Variants in FBXW8 observed in about 807,000 individuals in gnomAD.
The protein encoded by FBXW8 is F-box/WD repeat-containing protein 8.
In FBXW8, 57 loss-of-function variants were observed where a neutral mutation model predicts 65.3. The observed-to-expected ratio is 0.87, with a 90% confidence interval of 0.71 to 1.09. The LOEUF (loss-of-function observed/expected upper bound fraction) is 1.09. FBXW8 is among the 50% of genes least tolerant of loss of function. FBXW8 has a pLI of 0.00. For synonymous variants in FBXW8, 308 were observed against 330.2 expected, an observed-to-expected ratio of 0.93 and a Z score of 0.73; for missense variants, 777 against 814.8, an observed-to-expected ratio of 0.95 and a Z score of 0.57.
intron 1 of FBXW8, among the ~76,000 whole-genome samples, chr12:116,923,320 G>A (rs560086637): frequency 3.9e-5 from 6 of 152,092 alleles, no homozygotes; most frequent in African/African-American, 1.2e-4. Context: ...GTGTAATACA[G>A]GACGAAAGTC....
In FBXW8 at chr12:117,030,355, G is replaced by C. The variant is rs1954330947; in HGVS notation, c.*2183G>C. ...CCAGATAACTTCCTAAGTGGAGATG[G>C]CCTGTAGGTAGCAAATGCAGGATTT... On this transcript the variant is annotated 3_prime_UTR_variant, in exon 11 of 11. Transcript: ENST00000652555. 6.6e-6 allele frequency: 1 copy of C among 152,170 alleles called. No homozygotes were observed. The highest frequency in any genetic ancestry group is 2.4e-5 in the African/African-American group (1 of 41,428). The allele number at this position is 152,170 out of a possible 1,614,324, so 9.4% of individuals were successfully genotyped here. A position where few individuals can be genotyped will look rare whatever the true frequency, so the allele number is the denominator to read the frequency against.
intron 3 of FBXW8, 59 bp downstream of exon 3, chr12:116,945,587 C>G (rs1882878942): frequency 6.6e-7 from 1 of 1,524,340 alleles, no homozygotes; most frequent in Non-Finnish European, 9.0e-7. Flanking sequence ...CATGGGAATC[C>G]AAGCTTTCAC....
At chr12:116,966,157 T>C (rs1565917742) in intron 5 of FBXW8, among the ~76,000 whole-genome samples, 1 of 152,172 alleles carries the variant, frequency 6.6e-6, no homozygotes, top group Non-Finnish European at 1.5e-5. Flanking sequence ...TTTCAGCCTA[T>C]AGAAATTCAG....
chr12:117,011,524 C>T (rs1210168210), intron 8 of FBXW8, among the ~76,000 whole-genome samples: 3 of 152,150 alleles, frequency 2.0e-5, no homozygotes, highest in Non-Finnish European at 4.4e-5. Context: ...GTGTGGGGCA[C>T]GCACTGGGCT....
intron 7 of FBXW8, among the ~76,000 whole-genome samples, chr12:116,991,797 G>A (rs1032938243): frequency 6.6e-6 from 1 of 152,240 alleles, no homozygotes; most frequent in African/African-American, 2.4e-5. Context: ...AGGTCCAAAT[G>A]TTGAAATTGA....
intron 6 of FBXW8, 155 bp downstream of exon 6, chr12:116,985,557 T>C (rs1885621340): frequency 2.8e-6 from 2 of 708,444 alleles, no homozygotes; most frequent in African/African-American, 1.8e-5. Context: ...AAATAGGTAG[T>C]AGCATTTTCC....
intron 8 of FBXW8, among the ~76,000 whole-genome samples, chr12:117,016,869 C>T (rs907821814): frequency 7.9e-5 from 12 of 152,184 alleles, no homozygotes; most frequent in African/African-American, 2.9e-4. Context: ...GCTATCCTGG[C>T]ACCATCTGTT....
At chr12:116,928,537 T>C (rs1032174579) in intron 2 of FBXW8, among the ~76,000 whole-genome samples, 6 of 152,148 alleles carry the variant, frequency 3.9e-5, no homozygotes, top group African/African-American at 1.4e-4. Context: ...ACAGAACATG[T>C]TTTAGGTGAA....
intron 1 of FBXW8, among the ~76,000 whole-genome samples, chr12:116,927,466 T>C (rs903483039): frequency 6.6e-6 from 1 of 152,160 alleles, no homozygotes; most frequent in African/African-American, 2.4e-5. Flanking sequence ...TCAAGAGCAG[T>C]GTCTACTTGT....
chr12:116,941,381 A>C (rs2058812867), intron 2 of FBXW8, among the ~76,000 whole-genome samples: 1 of 152,208 alleles, frequency 6.6e-6, no homozygotes, highest in Admixed American at 6.5e-5. Context: ...TTTGTCACTT[A>C]TTTATGCCAC....
rs1954286434 is a variant in FBXW8, at chr12:117,028,224, C to T, written c.*52C>T. 1 of 1,602,818 alleles carries T rather than the reference C, an allele frequency of 6.2e-7. No homozygotes were observed. Among genetic ancestry groups the T allele is most frequent in the South Asian group, 1.1e-5 (1 of 90,402 alleles). ...GAAAAATGGGAAGAACCAGTTTTAT[C>T]CATCTTAAAACGCCAGGCACCTCTT... On this transcript the variant is annotated 3_prime_UTR_variant, in exon 11 of 11. Coordinates refer to ENST00000652555, the MANE Select transcript of FBXW8 (RefSeq NM_153348.3). The surrounding 1 kb of genome is among the most constrained non-coding windows in gnomAD (Gnocchi z 4.1).
intron 5 of FBXW8, among the ~76,000 whole-genome samples, chr12:116,979,902 C>T (rs1221932418): frequency 2.0e-5 from 3 of 152,034 alleles, no homozygotes; most frequent in Middle Eastern, 3.4e-3. Context: ...GGAGAGAAGT[C>T]GTAGAGATCT....
intron 2 of FBXW8, among the ~76,000 whole-genome samples, chr12:116,931,148 C>G (rs888882936): frequency 2.6e-5 from 4 of 152,222 alleles, no homozygotes; most frequent in African/African-American, 9.6e-5. Flanking sequence ...ACTTTTTTCC[C>G]CATTGTGTGT....
In FBXW8 at chr12:116,993,664, G is replaced by C. The variant is rs559166654; in HGVS notation, c.1239+4795G>C. On this transcript the variant is annotated intron_variant, in intron 7 of 10. Transcript: ENST00000652555. ...ATATTAGTCCTTTGTTGGATATATAGTTTGCAAATATTTTCTCCCATTCTG... is the reference window on the plus strand; with the variant it reads ...ATATTAGTCCTTTGTTGGATATATACTTTGCAAATATTTTCTCCCATTCTG... Among the ~76,000 whole-genome samples, 9 of 152,148 alleles carry C rather than the reference G, an allele frequency of 5.9e-5. No individual in the cohort carries two copies. The East Asian group carries it at 7.7e-4, about 13-fold the overall frequency.
At chr12:117,020,789 C>T (rs1954075520) in intron 8 of FBXW8, among the ~76,000 whole-genome samples, 2 of 152,310 alleles carry the variant, frequency 1.3e-5, no homozygotes, top group Admixed American at 1.3e-4. Context: ...CCTCTCCTGT[C>T]TGGTTTTCAG....
chr12:116,933,151 C>G (rs914009730), intron 2 of FBXW8, among the ~76,000 whole-genome samples: 1 of 152,164 alleles, frequency 6.6e-6, no homozygotes, highest in African/African-American at 2.4e-5. Flanking sequence ...TTGGCCTGCT[C>G]CCAAGAGTTG....
Position 116,911,350 on chromosome 12 carries a change from G to T in FBXW8, c.313G>T (p.Asp105Tyr). 3 of 1,278,658 alleles carry T rather than the reference G, an allele frequency of 2.3e-6. No individual in the cohort carries two copies. The highest frequency in any genetic ancestry group is 5.6e-5 in the South Asian group (2 of 35,752). 79.2% of individuals were successfully genotyped at this position (1,278,658 alleles called of 1,614,324 possible). A position where few individuals can be genotyped will look rare whatever the true frequency, so the allele number is the denominator to read the frequency against. The change falls in exon 1 of 11, where the codon GAC (aspartate) becomes TAC (tyrosine). Residue 105 changes from aspartate to tyrosine, a missense_variant. Physicochemically the swap from Asp to Tyr is radical, Grantham distance 160 (BLOSUM62 -3). Transcript: ENST00000652555. Reference sequence around the variant, plus strand: ...GCAGCTGGTGGACCAGCTCATCCGCGACCTGGTGAGTGGCCGTCGCCTCCC... The same window carrying T: ...GCAGCTGGTGGACCAGCTCATCCGCTACCTGGTGAGTGGCCGTCGCCTCCC... ...GEQLVDQLIRDLNEMNDVPFF... is the reference protein window; with the variant it reads ...GEQLVDQLIRYLNEMNDVPFF...
At chr12:116,934,297 C>G (rs1228057946) in intron 2 of FBXW8, among the ~76,000 whole-genome samples, 2 of 152,014 alleles carry the variant, frequency 1.3e-5, no homozygotes, top group Admixed American at 6.5e-5. Flanking sequence ...AATAGTTGTC[C>G]CTCGAGGGAC....
intron 8 of FBXW8, among the ~76,000 whole-genome samples, chr12:117,022,723 C>T (rs1467151715): frequency 6.6e-6 from 1 of 152,186 alleles, no homozygotes; most frequent in African/African-American, 2.4e-5. Flanking sequence ...TTTTCCAGGT[C>T]TGACCGAACA....
Sources: allele counts gnomAD v4.1 joint callset (sites outside exome capture counted in the v4.1 genomes callset), GRCh38; gene constraint gnomAD v4.1.1; non-coding constraint Gnocchi (gnomAD v3.1); transcripts MANE v1.5; gene names NCBI Gene and HGNC (gene_info 2026-07-23, HGNC 2026-07-21).